PCDH11X: variants seen among roughly 807,000 people sequenced by gnomAD.
PCDH11X encodes the protein protocadherin 11 X-linked.
A neutral mutation model predicts 53.3 loss-of-function variants in PCDH11X; 18 were observed. That is an observed-to-expected ratio of 0.34 (90% CI 0.23 to 0.50). PCDH11X has a LOEUF of 0.50. Ranked by LOEUF, PCDH11X falls within the 20% of genes least tolerant of loss-of-function variation. The pLI is 0.98. For synonymous variants in PCDH11X, 279 were observed against 393.3 expected (o/e 0.71, Z 3.44); for missense variants, 570 against 1,032.4 (o/e 0.55, Z 6.14).
At chrX:91,838,380 A>G (rs1479282865) in intron 5 of PCDH11X, among the ~76,000 whole-genome samples, 1 of 111,797 alleles carries the variant, frequency 8.9e-6, no homozygotes. Context: ...AAGTAACTAT[A>G]TGATGTGCCT....
At chrX:92,097,828 T>C (rs1239575760) in intron 6 of PCDH11X, among the ~76,000 whole-genome samples, 1 of 111,296 alleles carries the variant, frequency 9.0e-6, no homozygotes, top group Non-Finnish European at 1.9e-5. Flanking sequence ...TGATACATAG[T>C]ATTTACATAT....
chrX:91,852,159 G>T (rs1469333340), intron 5 of PCDH11X, among the ~76,000 whole-genome samples: 3 of 103,130 alleles, frequency 2.9e-5, no homozygotes, highest in African/African-American at 1.1e-4. Context: ...GCTTACAGGC[G>T]CCCACCACCG....
chrX:91,821,100 G>C (rs1003750796), intron 4 of PCDH11X, among the ~76,000 whole-genome samples: 5 of 105,298 alleles, frequency 4.7e-5, no homozygotes, highest in Non-Finnish European at 9.5e-5. Flanking sequence ...TTGAAGTCTG[G>C]TAGTGTGATG....
intron 1 of PCDH11X, among the ~76,000 whole-genome samples, chrX:91,783,523 G>A (rs959452680): frequency 9.0e-6 from 1 of 111,593 alleles, no homozygotes; most frequent in African/African-American, 3.3e-5. Flanking sequence ...AGAGCTTCCA[G>A]ACTGCTGGTG....
intron 6 of PCDH11X, among the ~76,000 whole-genome samples, chrX:92,015,627 A>C (rs1294453): frequency 0.29 from 32,515 of 111,123 alleles, 3,730 homozygotes; most frequent in Middle Eastern, 0.43. Context: ...CTTTGTATCC[A>C]TTCAAGTTTT....
At chrX:92,104,579 G>A (rs1217404053) in intron 6 of PCDH11X, among the ~76,000 whole-genome samples, 6 of 110,991 alleles carry the variant, frequency 5.4e-5, no homozygotes, top group African/African-American at 9.9e-5. Context: ...GGGGTCAAGC[G>A]GCATTGCAGA....
chrX:92,313,471 A>C (rs2068999915), intron 8 of PCDH11X, among the ~76,000 whole-genome samples: 1 of 111,238 alleles, frequency 9.0e-6, no homozygotes, highest in South Asian at 3.8e-4. Context: ...TGGTCCTTAC[A>C]TTTGAATATC....
chrX:92,342,018 T>C (rs1236281134), intron 8 of PCDH11X, among the ~76,000 whole-genome samples: 1 of 110,933 alleles, frequency 9.0e-6, no homozygotes, highest in Non-Finnish European at 1.9e-5. Flanking sequence ...CCACTAAAAA[T>C]AGGCAAAGGA....
At position 92,149,307 on chromosome X, in the gene PCDH11X, G is replaced by C. The variant is rs1382818248; in HGVS notation, c.3034-52068G>C. 3.7e-5 allele frequency among the ~76,000 whole-genome samples: 4 copies of C among 109,175 alleles called. No individual in the cohort carries two copies. In the Admixed American group the frequency reaches 4.0e-4, roughly 11 times the overall value. The allele number at this position is 109,175 out of a possible 115,157, so 94.8% of individuals were successfully genotyped here. A position where few individuals can be genotyped will look rare whatever the true frequency, so the allele number is the denominator to read the frequency against. On this transcript the variant is annotated intron_variant, in intron 6 of 10. Coordinates refer to ENST00000682573, the MANE Select transcript of PCDH11X (RefSeq NM_032968.5). ...GAGAATAAATGTGCATATTTAGATT[G>C]ACTTACTGTGTCTATATCAGAGAAA...
intron 6 of PCDH11X, among the ~76,000 whole-genome samples, chrX:92,134,568 T>A (rs994153211): frequency 6.3e-5 from 7 of 111,204 alleles, no homozygotes; most frequent in African/African-American, 2.0e-4. Context: ...GATTCTTGGA[T>A]CTTGTGCAAG....
intron 7 of PCDH11X, among the ~76,000 whole-genome samples, chrX:92,243,212 T>G (rs772071666): frequency 8.9e-6 from 1 of 112,075 alleles, no homozygotes; most frequent in Non-Finnish European, 1.9e-5. Flanking sequence ...AGACGTTTTA[T>G]AATTTTACAC....
At chrX:91,821,237 G>T (rs1234940626) in intron 4 of PCDH11X, among the ~76,000 whole-genome samples, 1 of 110,208 alleles carries the variant, frequency 9.1e-6, no homozygotes, top group Non-Finnish European at 1.9e-5. Context: ...GATGGGGATG[G>T]CATTGAATCT....
chrX:91,948,106 C>T (rs1405010824), intron 6 of PCDH11X, among the ~76,000 whole-genome samples: 12 of 103,404 alleles, frequency 1.2e-4, no homozygotes, highest in Admixed American at 2.2e-4. Context: ...AGCAGTCTTA[C>T]TATTCTTGGA....
intron 6 of PCDH11X, among the ~76,000 whole-genome samples, chrX:92,127,596 C>T (rs2064892132): frequency 9.5e-6 from 1 of 105,487 alleles, no homozygotes; most frequent in South Asian, 4.4e-4. Flanking sequence ...TCTCAGCTCA[C>T]TGTAACCTCT....
Position 92,153,867 on chromosome X carries a change from G to A in PCDH11X, c.3034-47508G>A, listed in dbSNP as rs1440460588. On this transcript the variant is annotated intron_variant, in intron 6 of 10. Transcript: ENST00000682573. Reference sequence around the variant, plus strand: ...TGTCTGTTAAGCTGTTTTATTGCAAGTTTCTGTAATATTTTTGATGAAAAC... The same window carrying A: ...TGTCTGTTAAGCTGTTTTATTGCAAATTTCTGTAATATTTTTGATGAAAAC... Among the ~76,000 whole-genome samples, 3 of 110,317 alleles carry A rather than the reference G, an allele frequency of 2.7e-5. 1 individual carries two copies. The highest frequency in any genetic ancestry group is 8.4e-3 in the Middle Eastern group (2 of 239).
chrX:92,129,559 AAGAAGCGGTTAAGCCTG>A (rs1409497051), intron 6 of PCDH11X, among the ~76,000 whole-genome samples: 1 of 112,375 alleles, frequency 8.9e-6, no homozygotes, highest in Non-Finnish European at 1.9e-5. Context: ...ATGAAATCCA[AAGAAGCGGTTAAGCCTG>A]AGTGTTTTTA....
At chrX:92,276,061 G>T (rs2068082417) in intron 8 of PCDH11X, among the ~76,000 whole-genome samples, 1 of 109,936 alleles carries the variant, frequency 9.1e-6, no homozygotes, top group Admixed American at 9.8e-5. Flanking sequence ...CTGGGCAGGT[G>T]GGGATAACTA....
intron 8 of PCDH11X, among the ~76,000 whole-genome samples, chrX:92,357,319 C>G (rs2070234487): frequency 1.8e-5 from 2 of 111,544 alleles, no homozygotes; most frequent in East Asian, 5.6e-4. Context: ...CTCACTAACT[C>G]TTATGATTGA....
chrX:92,417,705 T>C (rs1275793928), intron 9 of PCDH11X, among the ~76,000 whole-genome samples: 3 of 110,702 alleles, frequency 2.7e-5, no homozygotes, highest in Non-Finnish European at 5.7e-5. Flanking sequence ...TTACAGGCTA[T>C]GAATATTGCA....
Sources: allele counts gnomAD v4.1 joint callset (sites outside exome capture counted in the v4.1 genomes callset), GRCh38; gene constraint gnomAD v4.1.1; transcripts MANE v1.5; gene names NCBI Gene and HGNC (gene_info 2026-07-23, HGNC 2026-07-21).